Variants in ANTXR1 observed in about 807,000 individuals in gnomAD.
ANTXR1 encodes ANTXR cell adhesion molecule 1, also known as anthrax toxin receptor 1.
Under a neutral mutation model 78.1 loss-of-function variants are expected in ANTXR1, and 19 were observed. That is an observed-to-expected ratio of 0.24 (90% confidence interval 0.17 to 0.36). The LOEUF (loss-of-function observed/expected upper bound fraction) is 0.36. Ranked by LOEUF, ANTXR1 falls within the 10% of genes least tolerant of loss-of-function variation. The pLI, the probability that ANTXR1 is intolerant of heterozygous loss-of-function variation, is 1.00. For synonymous variants in ANTXR1, 273 were observed against 260.5 expected, an observed-to-expected ratio of 1.05 and a Z score of -0.46; for missense variants, 518 against 718.6, an observed-to-expected ratio of 0.72 and a Z score of 3.19.
chr2:69,103,174 G>T, intron 10 of ANTXR1: 1 of 558,384 alleles, frequency 1.8e-6, no homozygotes, highest in Non-Finnish European at 3.2e-6. Context: ...GAGCAAGGCT[G>T]GACTTGAGTC....
chr2:69,092,446 C>T (rs1671270769), intron 9 of ANTXR1, among the ~76,000 whole-genome samples: 1 of 152,194 alleles, frequency 6.6e-6, no homozygotes, highest in African/African-American at 2.4e-5. Context: ...AAATATACAG[C>T]ATGCATACAT....
chr2:69,080,161 T>A (rs1670856175), intron 8 of ANTXR1, among the ~76,000 whole-genome samples: 1 of 152,248 alleles, frequency 6.6e-6, no homozygotes, highest in Admixed American at 6.5e-5. Context: ...CCCATGTTTA[T>A]GGCAGTTGTT....
chr2:69,197,671 A>G (rs1674695414), intron 17 of ANTXR1, among the ~76,000 whole-genome samples: 1 of 152,156 alleles, frequency 6.6e-6, no homozygotes, highest in Admixed American at 6.5e-5. Context: ...AGCAGAACAC[A>G]TTTGACAGAG....
At chr2:69,030,413 C>T (rs1443698885) in intron 1 of ANTXR1, among the ~76,000 whole-genome samples, 12 of 152,128 alleles carry the variant, frequency 7.9e-5, no homozygotes, top group Non-Finnish European at 1.6e-4. Context: ...ACAAAACTTC[C>T]CACCAACTTC....
intron 12 of ANTXR1, among the ~76,000 whole-genome samples, chr2:69,136,012 T>G (rs1672899903): frequency 6.6e-6 from 1 of 152,174 alleles, no homozygotes; most frequent in South Asian, 2.1e-4. Flanking sequence ...GACACACTTT[T>G]CTTTCCACAT....
intron 9 of ANTXR1, among the ~76,000 whole-genome samples, chr2:69,092,233 A>G (rs565985952): frequency 7.9e-5 from 12 of 152,296 alleles, no homozygotes; most frequent in African/African-American, 2.6e-4. Flanking sequence ...ACACACATCA[A>G]TGTTTATGGC....
chr2:69,013,570 T>C lies in ANTXR1; in HGVS notation c.71T>C (p.Ile24Thr). Reference sequence around the variant, plus strand: ...CTCTCTTTGGCCACTCTGGTGCTCATCTGCGCCGGGCAAGGGGGACGCAGG... The same window carrying C: ...CTCTCTTTGGCCACTCTGGTGCTCACCTGCGCCGGGCAAGGGGGACGCAGG... Reference protein sequence around the residue: ...QWLSLATLVLICAGQGGRRED... With the variant: ...QWLSLATLVLTCAGQGGRRED... Residue 24 changes from isoleucine to threonine, a missense_variant, in exon 1 of 18, where the codon ATC becomes ACC. Transcript: ENST00000303714. The surrounding 1 kb of genome is among the most constrained non-coding windows in gnomAD (Gnocchi z 5.0). 1 of 1,573,802 alleles carries C rather than the reference T, an allele frequency of 6.4e-7. No individual in the cohort carries two copies. Among genetic ancestry groups the C allele is most frequent in the Non-Finnish European group, 8.6e-7 (1 of 1,159,670 alleles).
chr2:69,072,945 G>A (rs986260578), intron 5 of ANTXR1, 77 bp from the exon 6 acceptor site: 2 of 1,429,494 alleles, frequency 1.4e-6, no homozygotes, highest in Admixed American at 3.4e-5. Context: ...CTCGTAAGAG[G>A]TTGAATCCTG....
intron 13 of ANTXR1, among the ~76,000 whole-genome samples, chr2:69,161,516 T>C (rs948821102): frequency 5.3e-5 from 8 of 152,244 alleles, no homozygotes; most frequent in Non-Finnish European, 1.0e-4. Context: ...CAGGCAGTCC[T>C]TGGCCAGCAT....
intron 1 of ANTXR1, among the ~76,000 whole-genome samples, chr2:69,021,862 A>G (rs1163160026): frequency 2.0e-5 from 3 of 152,228 alleles, no homozygotes; most frequent in Admixed American, 6.5e-5. Flanking sequence ...TCTTGGATAT[A>G]CAGCATTCAT....
intron 12 of ANTXR1, among the ~76,000 whole-genome samples, chr2:69,126,506 T>G (rs1053985152): frequency 6.6e-6 from 1 of 152,134 alleles, no homozygotes; most frequent in Non-Finnish European, 1.5e-5. Flanking sequence ...AGGAAATGAT[T>G]AAAATACTCT....
In ANTXR1 at chr2:69,013,523, C is replaced by T. The variant is rs780492059; in HGVS notation, c.24C>T (p.Ala8=). ...CCATGGCCACGGCGGAGCGGAGAGCCCTCGGCATCGGCTTCCAGTGGCTCT... is the reference window on the plus strand; with the variant it reads ...CCATGGCCACGGCGGAGCGGAGAGCTCTCGGCATCGGCTTCCAGTGGCTCT... MATAERR[A]LGIGFQWLSL... The change falls in exon 1 of 18, where the codon GCC becomes GCT. Residue 8 remains alanine, a synonymous_variant. Transcript: ENST00000303714. The surrounding 1 kb of genome is among the most constrained non-coding windows in gnomAD (Gnocchi z 5.0). 5.3e-5 allele frequency: 84 copies of T among 1,587,926 alleles called. No individual in the cohort carries two copies. Among genetic ancestry groups the T allele is most frequent in the Admixed American group, 2.2e-4 (12 of 54,590 alleles).
At chr2:69,200,087 T>C (rs569480046) in intron 17 of ANTXR1, among the ~76,000 whole-genome samples, 2 of 152,282 alleles carry the variant, frequency 1.3e-5, no homozygotes, top group African/African-American at 2.4e-5. Context: ...TCACTTTTAC[T>C]CCAAATCGAA....
At chr2:69,130,522 C>T (rs1313736956) in intron 12 of ANTXR1, among the ~76,000 whole-genome samples, 3 of 152,134 alleles carry the variant, frequency 2.0e-5, no homozygotes, top group African/African-American at 4.8e-5. Flanking sequence ...GATATTGAGT[C>T]GAAAATCTTT....
At position 69,096,264 on chromosome 2, in the gene ANTXR1, G is replaced by A. The variant is rs182291152; in HGVS notation, c.703+5345G>A. 0.019 allele frequency among the ~76,000 whole-genome samples: 149 copies of A among 7,750 alleles called. 5 individuals carry two copies. The East Asian group carries it at 0.31, about 16-fold the overall frequency. The allele number at this position is 7,750 out of a possible 152,430, so 5.1% of individuals were successfully genotyped here. ...CAGAGCGAGACTCCGTCAAAAGGAA[G>A]GAAGGAAGGAAGGAAGGAAGGAAGG... On this transcript the variant is annotated intron_variant, in intron 9 of 17. Coordinates refer to ENST00000303714, the MANE Select transcript of ANTXR1 (RefSeq NM_032208.3).
intron 10 of ANTXR1, among the ~76,000 whole-genome samples, chr2:69,118,908 A>G (rs1431523212): frequency 6.6e-6 from 1 of 151,978 alleles, no homozygotes; most frequent in Non-Finnish European, 1.5e-5. Flanking sequence ...AAACCAAACA[A>G]TCCTCTCGGA....
At position 69,181,774 on chromosome 2, in the gene ANTXR1, A is replaced by G. The variant is rs1296312681; in HGVS notation, c.1090-12A>G. The G allele has an allele frequency of 5.0e-6, 8 of 1,613,766 alleles. No individual in the cohort carries two copies. The highest frequency in any genetic ancestry group is 4.5e-5 in the East Asian group (2 of 44,874). ...TGTTTTGCTTCCTTCATGTGCCACA[A>G]TTTCTCTGCAGGAAGAAGATGATGA... On this transcript the variant is annotated splice_polypyrimidine_tract_variant and intron_variant, in intron 14 of 17. Coordinates refer to ENST00000303714, the MANE Select transcript of ANTXR1 (RefSeq NM_032208.3).
chr2:69,143,919 C>T (rs991759578), intron 12 of ANTXR1, among the ~76,000 whole-genome samples: 1 of 152,008 alleles, frequency 6.6e-6, no homozygotes, highest in Non-Finnish European at 1.5e-5. Context: ...GCAGAGTGGG[C>T]GGATGAGTTA....
chr2:69,075,433 G>A lies in ANTXR1; in HGVS notation c.493-157G>A, dbSNP rs549533080. 3.3e-4 allele frequency among the ~76,000 whole-genome samples: 50 copies of A among 152,316 alleles called. No individual in the cohort carries two copies. The South Asian group carries it at 1.0e-2, about 30-fold the overall frequency. On this transcript the variant is annotated intron_variant, in intron 6 of 17. Transcript: ENST00000303714. ...TAGAATGTGATGTCCACTGAAGTCT[G>A]AGCTTCCTGGGGACAGGGATTGCCT...
Sources: gnomAD v4.1 joint callset for allele counts (sites outside exome capture counted in the v4.1 genomes callset) on GRCh38, gnomAD v4.1.1 for gene constraint, Gnocchi (gnomAD v3.1) non-coding constraint, MANE v1.5 for transcripts, NCBI Gene and HGNC (gene_info 2026-07-23, HGNC 2026-07-21) for gene names.